ITPK1: variants seen among roughly 807,000 people sequenced by gnomAD.
ITPK1 encodes inositol-tetrakisphosphate 1-kinase.
A neutral mutation model predicts 45.3 loss-of-function variants in ITPK1; 21 were observed. The ratio of observed to expected loss-of-function variants is 0.46; its 90% confidence interval spans 0.33 to 0.67. The LOEUF (loss-of-function observed/expected upper bound fraction) is 0.67. ITPK1 is among the 30% of genes least tolerant of loss of function. The pLI is 0.02. For synonymous variants in ITPK1, 258 were observed against 253.6 expected (o/e 1.02, Z -0.16); for missense variants, 474 against 573.5 (o/e 0.83, Z 1.77).
intron 3 of ITPK1, chr14:93,066,320 A>ATATGTG (rs1555373017): frequency 1.1e-5 from 4 of 350,338 alleles, no homozygotes; most frequent in African/African-American, 6.8e-5. Context: ...GTGTGTGTGT[A>ATATGTG]TGTGTGTGTG....
chr14:93,079,695 G>A (rs779169100), intron 2 of ITPK1, among the ~76,000 whole-genome samples: 11 of 152,200 alleles, frequency 7.2e-5, no homozygotes, highest in Non-Finnish European at 1.3e-4. Context: ...TGGGAAACTC[G>A]TGCAGAGCAA....
At chr14:93,096,863 C>A (rs1256058403) in intron 2 of ITPK1, among the ~76,000 whole-genome samples, 2 of 152,192 alleles carry the variant, frequency 1.3e-5, no homozygotes, top group African/African-American at 4.8e-5. Flanking sequence ...AATCCAGGAA[C>A]AAAACTTCCC....
In ITPK1 at chr14:93,016,573, T is replaced by C; in HGVS notation, c.246+103A>G. 7.5e-7 allele frequency: 1 copy of C among 1,335,044 alleles called. No homozygotes were observed. The highest frequency in any genetic ancestry group is 1.0e-6 in the Non-Finnish European group (1 of 958,388). 82.7% of individuals were successfully genotyped at this position (1,335,044 alleles called of 1,614,324 possible). On this transcript the variant is annotated intron_variant, in intron 4 of 10. Coordinates refer to ENST00000267615, the MANE Select transcript of ITPK1 (RefSeq NM_014216.6). This position sits in a 1 kb window ranked among gnomAD's most constrained non-coding sequence, Gnocchi z 5.0. Reference sequence around the variant, plus strand: ...CAGAGCCATTTCTCCAGACTATACCTCCAGAGAGCTGCTACCGCCCTAAAT... The same window carrying C: ...CAGAGCCATTTCTCCAGACTATACCCCCAGAGAGCTGCTACCGCCCTAAAT...
At chr14:92,988,887 C>A (rs1886636594) in intron 5 of ITPK1, among the ~76,000 whole-genome samples, 1 of 152,208 alleles carries the variant, frequency 6.6e-6, no homozygotes, top group African/African-American at 2.4e-5. Context: ...GTGCCTGGCA[C>A]ACTAAGCACC....
rs1887322009 is a variant in ITPK1, at chr14:92,940,706, C to T, written c.*855G>A. 7.8e-7 allele frequency: 1 copy of T among 1,287,736 alleles called. No homozygotes were observed. Among genetic ancestry groups the T allele is most frequent in the African/African-American group, 1.5e-5 (1 of 65,850 alleles). 79.8% of individuals were successfully genotyped at this position (1,287,736 alleles called of 1,614,324 possible). A position where few individuals can be genotyped will look rare whatever the true frequency, so the allele number is the denominator to read the frequency against. The stretch of plus-strand genomic sequence containing the variant: ...TGTGGTGCTCTCTGATCTCAAATGT[C>T]CACTAGAGACAAGGGGGTGGAGGCC... On this transcript the variant is annotated 3_prime_UTR_variant, in exon 11 of 11. Transcript: ENST00000267615.
intron 2 of ITPK1, among the ~76,000 whole-genome samples, chr14:93,108,092 A>G (rs193185638): frequency 6.9e-4 from 105 of 151,954 alleles, no homozygotes; most frequent in African/African-American, 2.4e-3. Context: ...GGAGTCCCAC[A>G]CCCTCTCCAG....
At position 92,962,862 on chromosome 14, in the gene ITPK1, G is replaced by C. The variant is rs1285844782; in HGVS notation, c.365-13C>G. ...CAGATCCTGTCGTCTAGGGCAGAAG[G>C]GAGGCCTGGTCAGCACAGCTCCTGG... is the stretch of plus-strand genomic sequence containing the variant. On this transcript the variant is annotated splice_polypyrimidine_tract_variant and intron_variant, in intron 5 of 10. Coordinates refer to ENST00000267615, the MANE Select transcript of ITPK1 (RefSeq NM_014216.6). 6.3e-7 allele frequency: 1 copy of C among 1,598,108 alleles called. No homozygotes were observed. Among genetic ancestry groups the C allele is most frequent in the Admixed American group, 1.7e-5 (1 of 59,684 alleles).
chr14:93,056,786 A>G (rs1890231050), intron 3 of ITPK1, among the ~76,000 whole-genome samples: 1 of 152,244 alleles, frequency 6.6e-6, no homozygotes, highest in Non-Finnish European at 1.5e-5. Flanking sequence ...GACAGATTCA[A>G]CAAATAAAGA....
chr14:92,979,021 G>A (rs1186111505), intron 5 of ITPK1, among the ~76,000 whole-genome samples: 1 of 152,176 alleles, frequency 6.6e-6, no homozygotes, highest in Admixed American at 6.5e-5. Flanking sequence ...AGCTGTGAGG[G>A]CTGTACCCTG....
intron 3 of ITPK1, among the ~76,000 whole-genome samples, chr14:93,030,091 C>T (rs528601236): frequency 2.1e-4 from 32 of 152,230 alleles, no homozygotes; most frequent in South Asian, 4.1e-4. Flanking sequence ...ACGAAGTTAG[C>T]GCGCAATGCA....
intron 2 of ITPK1, among the ~76,000 whole-genome samples, chr14:93,111,642 C>T (rs1466610556): frequency 2.1e-5 from 3 of 145,056 alleles, no homozygotes; most frequent in African/African-American, 2.6e-5. Flanking sequence ...ACCTGGGAGG[C>T]GGAGGTTGCA....
chr14:92,972,120 C>A (rs1418752031), intron 5 of ITPK1, among the ~76,000 whole-genome samples: 1 of 152,234 alleles, frequency 6.6e-6, no homozygotes, highest in Non-Finnish European at 1.5e-5. Flanking sequence ...ACAGCTCTCA[C>A]CTGTACTGAG....
chr14:93,060,890 T>C (rs1890490043), intron 3 of ITPK1, among the ~76,000 whole-genome samples: 1 of 152,118 alleles, frequency 6.6e-6, no homozygotes. Flanking sequence ...CACAGAGCTA[T>C]TATGAGAACT....
chr14:92,958,478 T>TTG lies in ITPK1; in HGVS notation c.505-113_505-112insCA. 9.5e-7 allele frequency: 1 copy of TTG among 1,057,138 alleles called. No homozygotes were observed. Among genetic ancestry groups the TTG allele is most frequent in the East Asian group, 2.5e-5 (1 of 39,562 alleles). 65.5% of individuals were successfully genotyped at this position (1,057,138 alleles called of 1,614,324 possible). ...CTCCACCAAGGCCCATCCCTGGTCC[T>TTG]GTGGCATGAGGACTCCCCTAGAGGA... On this transcript the variant is annotated intron_variant, in intron 7 of 10. Transcript: ENST00000267615. The surrounding 1 kb of genome is among the most constrained non-coding windows in gnomAD (Gnocchi z 4.4).
rs375622326 is a variant in ITPK1 at position 93,004,714 on chromosome 14, G to A, written c.247-10717C>T. Among the ~76,000 whole-genome samples, 12 of 152,128 alleles carry A rather than the reference G, an allele frequency of 7.9e-5. No homozygotes were observed. In the East Asian group the frequency reaches 9.7e-4, roughly 12 times the overall value. ...ACCCTCCCAGAGGCTCCTAAGTGGC[G>A]GCCATGTGGCTGAGCAAAGGAGAGG... is the stretch of plus-strand genomic sequence containing the variant. On this transcript the variant is annotated intron_variant, in intron 4 of 10. Transcript: ENST00000267615.
chr14:93,079,326 G>A (rs1595196102), intron 2 of ITPK1, among the ~76,000 whole-genome samples: 3 of 152,232 alleles, frequency 2.0e-5, no homozygotes, highest in South Asian at 4.1e-4. Flanking sequence ...GGCCACCCAC[G>A]TATGCTACAC....
intron 4 of ITPK1, among the ~76,000 whole-genome samples, chr14:92,998,541 A>T (rs1454871503): frequency 6.6e-6 from 1 of 152,236 alleles, no homozygotes; most frequent in African/African-American, 2.4e-5. Flanking sequence ...GGTTGGGGGC[A>T]GGGACAGAAG....
Position 93,100,625 on chromosome 14 carries a change from C to T in ITPK1, c.95+14444G>A, listed in dbSNP as rs183017266. On this transcript the variant is annotated intron_variant, in intron 2 of 10. Coordinates refer to ENST00000267615, the MANE Select transcript of ITPK1 (RefSeq NM_014216.6). ...TTGGACTGTCGCCTGAGTCTACCTA[C>T]ACCTGAAGCCAGAATGCCCCAAGGA... Among the ~76,000 whole-genome samples, 9 of 152,124 alleles carry T rather than the reference C, an allele frequency of 5.9e-5. No individual in the cohort carries two copies. The East Asian group carries it at 1.7e-3, about 29-fold the overall frequency.
chr14:93,095,453 C>G (rs1469970872), intron 2 of ITPK1, among the ~76,000 whole-genome samples: 1 of 139,728 alleles, frequency 7.2e-6, no homozygotes, highest in African/African-American at 2.9e-5. Context: ...CCAAAGCCAG[C>G]TTCTGGGCCC....
Sources: allele counts gnomAD v4.1 joint callset (sites outside exome capture counted in the v4.1 genomes callset), GRCh38; gene constraint gnomAD v4.1.1; non-coding constraint Gnocchi (gnomAD v3.1); transcripts MANE v1.5; gene names NCBI Gene and HGNC (gene_info 2026-07-23, HGNC 2026-07-21).